CCDC186: variants seen among roughly 807,000 people sequenced by gnomAD.
The protein encoded by CCDC186 is coiled-coil domain-containing protein 186.
In CCDC186, 49 loss-of-function variants were observed where a neutral mutation model predicts 113.7. The ratio of observed to expected loss-of-function variants is 0.43; its 90% CI spans 0.34 to 0.55. The LOEUF is 0.55. Ranked by LOEUF, CCDC186 falls within the 20% of genes least tolerant of loss-of-function variation. The pLI is 0.02. For synonymous variants in CCDC186, 355 were observed against 345.8 expected (o/e 1.03, Z -0.30); for missense variants, 890 against 1,011.1 (o/e 0.88, Z 1.62).
intron 1 of CCDC186, among the ~76,000 whole-genome samples, chr10:114,170,010 A>G (rs1217660487): frequency 1.3e-5 from 2 of 152,086 alleles, no homozygotes; most frequent in African/African-American, 2.4e-5. Context: ...CAATCATCCC[A>G]CTTAAGCCTC....
At position 114,134,997 on chromosome 10, in the gene CCDC186, T is replaced by C. The variant is rs2031209461; in HGVS notation, c.1571A>G (p.Glu524Gly). The change falls in exon 10 of 16, where the codon GAA becomes GGA. Residue 524 changes from glutamate (E) to glycine (G), a missense_variant. Transcript: ENST00000369287. ...TTCAGCTTTTTGGCGATTAATAATT[T>C]CCTTATATTTTGATAATTCATCTTC... is the stretch of plus-strand genomic sequence containing the variant. ...RTEDELSKYK[E>G]IINRQKAEIQ... 2 of 1,611,988 alleles carry C rather than the reference T, an allele frequency of 1.2e-6. No homozygotes were observed. The highest frequency in any genetic ancestry group is 2.2e-5 in the South Asian group (2 of 90,640).
intron 9 of CCDC186, among the ~76,000 whole-genome samples, chr10:114,135,330 C>G (rs1056672754): frequency 1.3e-5 from 2 of 151,940 alleles, no homozygotes; most frequent in Non-Finnish European, 2.9e-5. Flanking sequence ...GCAAGAAGAA[C>G]AAATAAGAAG....
chr10:114,164,385 A>C (rs2032274595), intron 1 of CCDC186, among the ~76,000 whole-genome samples: 2 of 152,004 alleles, frequency 1.3e-5, no homozygotes, highest in Non-Finnish European at 2.9e-5. Context: ...GGCCTCCCAA[A>C]GTGCTGGAAT....
At chr10:114,144,963 A>G (rs537796949) in intron 5 of CCDC186, among the ~76,000 whole-genome samples, 2 of 152,110 alleles carry the variant, frequency 1.3e-5, no homozygotes, top group African/African-American at 4.8e-5. Flanking sequence ...CTGAACTAAA[A>G]GCTAATGAAT....
chr10:114,149,614 G>A (rs1589621236), intron 4 of CCDC186, among the ~76,000 whole-genome samples: 1 of 35,020 alleles, frequency 2.9e-5, no homozygotes, highest in African/African-American at 1.4e-4. Flanking sequence ...GAAGGGAAGG[G>A]AAGGGAAGGA....
intron 2 of CCDC186, chr10:114,161,803 G>A (rs2032175575): frequency 6.6e-6 from 1 of 152,004 alleles, no homozygotes; most frequent in Admixed American, 6.6e-5. Flanking sequence ...GTCCATTAAT[G>A]GATGAATAAA....
Position 114,162,474 on chromosome 10 carries a change from G to A in CCDC186, c.632+163C>T, listed in dbSNP as rs2032200660. 5 of 533,222 alleles carry A rather than the reference G, an allele frequency of 9.4e-6. No individual in the cohort carries two copies. The East Asian group carries it at 1.2e-4, about 13-fold the overall frequency. 33.0% of individuals were successfully genotyped at this position (533,222 alleles called of 1,614,324 possible). ...CAGATATCTGAAAAACTCGACATTTGCTCACACATTCAGCAACTATACATT... is the reference window on the plus strand; with the variant it reads ...CAGATATCTGAAAAACTCGACATTTACTCACACATTCAGCAACTATACATT... On this transcript the variant is annotated intron_variant, in intron 2 of 15. Transcript: ENST00000369287.
intron 1 of CCDC186, among the ~76,000 whole-genome samples, chr10:114,164,309 GAT>G (rs935576046): frequency 1.3e-5 from 2 of 151,480 alleles, no homozygotes; most frequent in Non-Finnish European, 2.9e-5. Flanking sequence ...TTTAGGAAGA[GAT>G]AGGGTTTCAC....
intron 1 of CCDC186, among the ~76,000 whole-genome samples, chr10:114,169,454 G>C (rs2032432278): frequency 6.6e-6 from 1 of 151,874 alleles, no homozygotes; most frequent in African/African-American, 2.4e-5. Context: ...ATGTTGGCCA[G>C]GCTCTCTGGA....
At chr10:114,164,114 ATTTTTTTTTTT>A (rs35615169) in intron 1 of CCDC186, among the ~76,000 whole-genome samples, 1 of 79,182 alleles carries the variant, frequency 1.3e-5, no homozygotes, top group South Asian at 4.2e-4. Context: ...ATATATATAT[ATTTTTTTTTTT>A]TTTTTTTTTT....
intron 4 of CCDC186, among the ~76,000 whole-genome samples, chr10:114,147,965 CAAA>C (rs891488317): frequency 6.6e-6 from 1 of 150,976 alleles, no homozygotes; most frequent in Non-Finnish European, 1.5e-5. Context: ...CCCCTATCTA[CAAA>C]AAAAACAAAA....
chr10:114,123,339 A>T lies in CCDC186; in HGVS notation c.*1804T>A, dbSNP rs540673149. ...TATTTTCATTTTGAAGTGAAAAGATATTTTTTTTGGGATAACATCTAATTC... is the reference window on the plus strand; with the variant it reads ...TATTTTCATTTTGAAGTGAAAAGATTTTTTTTTTGGGATAACATCTAATTC... On this transcript the variant is annotated 3_prime_UTR_variant, in exon 16 of 16. Transcript: ENST00000369287. The T allele has an allele frequency of 3.3e-5, 5 of 152,094 alleles. No individual in the cohort carries two copies. The South Asian group carries it at 6.2e-4, about 19-fold the overall frequency. The allele number at this position is 152,094 out of a possible 1,614,324, so 9.4% of individuals were successfully genotyped here.
chr10:114,172,376 A>G (rs765378106), intron 1 of CCDC186, among the ~76,000 whole-genome samples: 13 of 152,234 alleles, frequency 8.5e-5, no homozygotes, highest in Non-Finnish European at 1.9e-4. Context: ...AACTGAACAT[A>G]CTAAGCAATC....
intron 4 of CCDC186, among the ~76,000 whole-genome samples, chr10:114,150,506 C>T (rs1399449355): frequency 6.6e-6 from 1 of 151,476 alleles, no homozygotes; most frequent in Admixed American, 6.6e-5. Context: ...ATCAAAATAC[C>T]AATAATTAGC....
intron 12 of CCDC186, chr10:114,130,649 T>G (rs2031057729): frequency 1.3e-5 from 2 of 152,208 alleles, no homozygotes. Flanking sequence ...CTCGGGTATC[T>G]GCACCCTAGA....
intron 10 of CCDC186, 97 bp from the exon 11 acceptor site, chr10:114,132,281 G>A: frequency 3.5e-6 from 3 of 862,550 alleles, no homozygotes. Context: ...CTTAATAAAG[G>A]TACTTCTATT....
At chr10:114,140,536 T>G (rs562721281) in intron 6 of CCDC186, among the ~76,000 whole-genome samples, 1 of 152,320 alleles carries the variant, frequency 6.6e-6, no homozygotes, top group Admixed American at 6.5e-5. Flanking sequence ...CAGCTAAATA[T>G]ATGAATCTGG....
chr10:114,160,881 C>A (rs550540626), intron 2 of CCDC186, among the ~76,000 whole-genome samples: 3 of 152,240 alleles, frequency 2.0e-5, no homozygotes, highest in Admixed American at 1.3e-4. Flanking sequence ...CAAAAATTAA[C>A]CTTGATTTAA....
chr10:114,163,224 A>G lies in CCDC186; in HGVS notation c.45T>C (p.Asn15=), dbSNP rs1305325660. 4 of 1,613,448 alleles carry G rather than the reference A, an allele frequency of 2.5e-6. No homozygotes were observed. The African/African-American group carries it at 5.3e-5, about 22-fold the overall frequency. Residue 15 remains asparagine (N), a synonymous_variant, in exon 2 of 16, where the codon AAT becomes AAC. Coordinates refer to ENST00000369287, the MANE Select transcript of CCDC186 (RefSeq NM_018017.4). The part of the protein sequence containing the change: ...DHIASTSSDK[N]VGKTPELKED... ...CCTTTAATTCAGGTGTTTTCCCAAC[A>G]TTTTTATCAGAGGAAGTAGAGGCTA...
Sources: gnomAD v4.1 joint callset for allele counts (sites outside exome capture counted in the v4.1 genomes callset) on GRCh38, gnomAD v4.1.1 for gene constraint, MANE v1.5 for transcripts, NCBI Gene and HGNC (gene_info 2026-07-23, HGNC 2026-07-21) for gene names.